RNF157: variants seen among roughly 807,000 people sequenced by gnomAD.
RNF157 encodes the protein E3 ubiquitin ligase RNF157.
Under a neutral mutation model 88.3 loss-of-function variants are expected in RNF157, and 55 were observed. The observed-to-expected ratio is 0.62, with a 90% CI of 0.50 to 0.78. The LOEUF (loss-of-function observed/expected upper bound fraction) is 0.78, where lower values mean the gene tolerates loss of function less well. Ranked by LOEUF, RNF157 falls within the 30% of genes least tolerant of loss-of-function variation. The pLI, the probability that RNF157 is intolerant of heterozygous loss-of-function variation, is 0.00. For synonymous variants in RNF157, 334 were observed against 341.2 expected, an observed-to-expected ratio of 0.98 and a Z score of 0.23; for missense variants, 788 against 860.8, an observed-to-expected ratio of 0.92 and a Z score of 1.06.
intron 1 of RNF157, chr17:76,225,649 AAAT>A (rs1359165294): frequency 2.8e-6 from 3 of 1,073,978 alleles, no homozygotes; most frequent in Non-Finnish European, 2.6e-6. Context: ...TTTAGTGGCC[AAAT>A]AATATGTATT....
intron 18 of RNF157, among the ~76,000 whole-genome samples, chr17:76,151,996 A>G (rs2068684966): frequency 6.6e-6 from 1 of 152,180 alleles, no homozygotes; most frequent in Non-Finnish European, 1.5e-5. Flanking sequence ...AGACCTTCGT[A>G]GAGAGGTGGT....
At position 76,146,556 on chromosome 17, in the gene RNF157, C is replaced by T; in HGVS notation, c.1922-1203G>A. On this transcript the variant is annotated intron_variant, in intron 18 of 18. Transcript: ENST00000269391. This position sits in a 1 kb window ranked among gnomAD's most constrained non-coding sequence, Gnocchi z 4.2. ...AGGGAAGGCATGTCGTCCTCCGGAC[C>T]CTGTGGGCCTCCCCAGCCGTGTCTC... is the stretch of plus-strand genomic sequence containing the variant. 2 of 985,410 alleles carry T rather than the reference C, an allele frequency of 2.0e-6. No individual in the cohort carries two copies. The highest frequency in any genetic ancestry group is 2.4e-6 in the Non-Finnish European group (2 of 829,922). 61.0% of individuals were successfully genotyped at this position (985,410 alleles called of 1,614,324 possible).
intron 1 of RNF157, among the ~76,000 whole-genome samples, chr17:76,224,395 C>A (rs565579437): frequency 1.3e-5 from 2 of 152,170 alleles, no homozygotes; most frequent in South Asian, 4.1e-4. Context: ...ATTTTCTATT[C>A]TTCTACAATT....
chr17:76,239,840 G>A (rs1395575884), intron 1 of RNF157, among the ~76,000 whole-genome samples: 1 of 152,086 alleles, frequency 6.6e-6, no homozygotes, highest in Non-Finnish European at 1.5e-5. Flanking sequence ...CGCTCCCCAG[G>A]AGCCTCGGTC....
intron 12 of RNF157, among the ~76,000 whole-genome samples, chr17:76,158,829 T>C (rs997397198): frequency 1.3e-5 from 2 of 152,122 alleles, no homozygotes; most frequent in African/African-American, 4.8e-5. Context: ...AAGCGCTAAG[T>C]TTTACTTTTA....
intron 2 of RNF157, among the ~76,000 whole-genome samples, chr17:76,177,801 C>G (rs1164894543): frequency 6.6e-6 from 1 of 152,140 alleles, no homozygotes; most frequent in Non-Finnish European, 1.5e-5. Context: ...CTGCTGATAG[C>G]TGCAGAGATG....
At chr17:76,145,685 T>C (rs2068574647) in intron 18 of RNF157, 1 of 241,082 alleles carries the variant, frequency 4.1e-6, no homozygotes, top group African/African-American at 2.2e-5. Flanking sequence ...AGTTTGCCTA[T>C]ATGTTACAAT....
At chr17:76,177,311 C>A (rs1303361767) in intron 2 of RNF157, among the ~76,000 whole-genome samples, 1 of 150,284 alleles carries the variant, frequency 6.7e-6, no homozygotes, top group Non-Finnish European at 1.5e-5. Context: ...CCCTCCCACC[C>A]CCCCGCCCCA....
chr17:76,169,282 G>A (rs1442730966), intron 3 of RNF157, among the ~76,000 whole-genome samples: 1 of 97,718 alleles, frequency 1.0e-5, no homozygotes, highest in Admixed American at 1.0e-4. Flanking sequence ...TCTGCTCCCT[G>A]TTTTTAATTT....
At chr17:76,202,768 C>T (rs1434355489) in intron 2 of RNF157, 9 of 153,954 alleles carry the variant, frequency 5.8e-5, no homozygotes, top group African/African-American at 1.9e-4. Flanking sequence ...GATCATCAGC[C>T]CTGGGGCCTT....
chr17:76,172,888 C>T (rs2069040074), intron 3 of RNF157, among the ~76,000 whole-genome samples: 1 of 151,858 alleles, frequency 6.6e-6, no homozygotes, highest in African/African-American at 2.4e-5. Flanking sequence ...AAGGATGGCA[C>T]CAAGAAGGCA....
chr17:76,165,714 G>C (rs1407636707), intron 6 of RNF157, among the ~76,000 whole-genome samples, 169 bp from the exon 7 acceptor site: 1 of 150,258 alleles, frequency 6.7e-6, no homozygotes, highest in African/African-American at 2.5e-5. Flanking sequence ...GTCTGGCTCT[G>C]TTGCCTGGGC....
At chr17:76,238,789 T>C (rs865979747) in intron 1 of RNF157, among the ~76,000 whole-genome samples, 12 of 152,226 alleles carry the variant, frequency 7.9e-5, no homozygotes, top group Admixed American at 2.6e-4. Flanking sequence ...AATCTATGCC[T>C]TGGTTAGCGT....
At chr17:76,159,611 T>C in intron 11 of RNF157, 38 bp from the exon 12 acceptor site, 1 of 1,440,244 alleles carries the variant, frequency 6.9e-7, no homozygotes, top group Non-Finnish European at 9.7e-7. Context: ...ATTAATTAGG[T>C]CCTTTTTGTT....
rs117673569 is a variant in RNF157, at chr17:76,219,850, C to A, written c.89-7368G>T. Among the ~76,000 whole-genome samples the A allele has an allele frequency of 3.7e-3, 561 of 152,192 alleles. 2 individuals are homozygous for A. Among genetic ancestry groups the A allele is most frequent in the Non-Finnish European group, 6.7e-3 (455 of 68,008 alleles). On this transcript the variant is annotated intron_variant, in intron 1 of 18. Coordinates refer to ENST00000269391, the MANE Select transcript of RNF157 (RefSeq NM_052916.3). ...ATCATATTATTGGTGACAGTATTTT[C>A]TTCCGAGAATGTGGCATTAAGCAGA...
intron 2 of RNF157, among the ~76,000 whole-genome samples, chr17:76,187,944 C>T (rs761460721): frequency 1.3e-5 from 2 of 152,022 alleles, no homozygotes; most frequent in Non-Finnish European, 2.9e-5. Context: ...TGTGCGGAAA[C>T]CCTAATGGAA....
intron 18 of RNF157, among the ~76,000 whole-genome samples, chr17:76,148,112 G>A (rs979066493): frequency 6.6e-6 from 1 of 152,100 alleles, no homozygotes; most frequent in Non-Finnish European, 1.5e-5. Flanking sequence ...TTAGTCTTGA[G>A]TTTTGAGGCC....
At chr17:76,208,397 G>GAT (rs1568064120) in intron 2 of RNF157, among the ~76,000 whole-genome samples, 2 of 152,188 alleles carry the variant, frequency 1.3e-5, no homozygotes, top group South Asian at 4.1e-4. Flanking sequence ...TCCCTTACAG[G>GAT]CTGTGCAGTC....
chr17:76,240,137 G>A lies in RNF157; in HGVS notation c.88+16C>T, dbSNP rs751725243. 3.1e-6 allele frequency: 4 copies of A among 1,303,530 alleles called. No homozygotes were observed. Among genetic ancestry groups the A allele is most frequent in the Admixed American group, 3.1e-5 (1 of 31,802 alleles). 80.7% of individuals were successfully genotyped at this position (1,303,530 alleles called of 1,614,324 possible). On this transcript the variant is annotated intron_variant, in intron 1 of 18. Transcript: ENST00000269391. The surrounding 1 kb of genome is among the most constrained non-coding windows in gnomAD (Gnocchi z 4.4). ...CCCTCTCCCTCCTCGCGGCTGCGGCGCCCGCCCGCCCTCACCGGACTTGGG... is the reference window on the plus strand; with the variant it reads ...CCCTCTCCCTCCTCGCGGCTGCGGCACCCGCCCGCCCTCACCGGACTTGGG...
Sources: allele counts gnomAD v4.1 joint callset (sites outside exome capture counted in the v4.1 genomes callset), GRCh38; gene constraint gnomAD v4.1.1; non-coding constraint Gnocchi (gnomAD v3.1); transcripts MANE v1.5; gene names NCBI Gene and HGNC (gene_info 2026-07-23, HGNC 2026-07-21).